STARD3NL: variants seen among roughly 807,000 people sequenced by gnomAD.
STARD3NL encodes the protein STARD3 N-terminal like.
STARD3NL carries 17 observed loss-of-function variants against 30.9 expected under a neutral mutation model. The observed-to-expected ratio is 0.55, with a 90% CI of 0.38 to 0.82. STARD3NL has a LOEUF of 0.82. STARD3NL is among the 40% of genes least tolerant of loss of function. The pLI is 0.00. For synonymous variants in STARD3NL, 112 were observed against 100.5 expected, an observed-to-expected ratio of 1.11 and a Z score of -0.69; for missense variants, 234 against 277.6, an observed-to-expected ratio of 0.84 and a Z score of 1.12.
intron 2 of STARD3NL, 64 bp from the exon 3 acceptor site, chr7:38,214,293 C>T (rs1785975699): frequency 3.7e-6 from 4 of 1,073,700 alleles, no homozygotes; most frequent in Non-Finnish European, 5.6e-6. Flanking sequence ...GATAGGAAAT[C>T]TTACCTTGTT....
intron 4 of STARD3NL, chr7:38,216,416 CAG>C (rs1284922842): frequency 5.3e-5 from 8 of 151,804 alleles, no homozygotes; most frequent in African/African-American, 1.9e-4. Flanking sequence ...TAATTAGTGT[CAG>C]AATATAAAAT....
chr7:38,227,171 G>T (rs886333579), intron 7 of STARD3NL, among the ~76,000 whole-genome samples: 2 of 152,144 alleles, frequency 1.3e-5, no homozygotes, highest in Non-Finnish European at 2.9e-5. Flanking sequence ...TTAATTAAGG[G>T]TTTAGCTTTA....
chr7:38,224,218 A>T (rs893228231), intron 7 of STARD3NL, among the ~76,000 whole-genome samples: 5 of 152,142 alleles, frequency 3.3e-5, no homozygotes, highest in African/African-American at 1.2e-4. Flanking sequence ...GGACATTTAG[A>T]TTGTTTCCAC....
intron 3 of STARD3NL, 61 bp downstream of exon 3, chr7:38,214,495 T>C (rs1785988774): frequency 9.3e-7 from 1 of 1,073,340 alleles, no homozygotes; most frequent in Non-Finnish European, 1.4e-6. Flanking sequence ...GCAGATTTCC[T>C]CTAAATAGAC....
rs1187434491 is a variant in STARD3NL, at chr7:38,207,600, A to G, written c.96A>G (p.Gln32=). The G allele has an allele frequency of 3.7e-6, 6 of 1,614,006 alleles. No homozygotes were observed. The highest frequency in any genetic ancestry group is 1.7e-5 in the Admixed American group (1 of 59,990). The change falls in exon 2 of 9, where the codon CAA becomes CAG. Residue 32 remains glutamine, a synonymous_variant. Coordinates refer to ENST00000009041, the MANE Select transcript of STARD3NL (RefSeq NM_032016.4). ...LRNIHSINPT[Q]LMARIESYEG... Reference sequence around the variant, plus strand: ...ATATCCATTCCATCAACCCCACACAACTCATGGCCAGGATTGAGTCCTATG... The same window carrying G: ...ATATCCATTCCATCAACCCCACACAGCTCATGGCCAGGATTGAGTCCTATG...
chr7:38,220,323 G>C (rs1027452225), intron 7 of STARD3NL, among the ~76,000 whole-genome samples: 1 of 152,178 alleles, frequency 6.6e-6, no homozygotes, highest in Non-Finnish European at 1.5e-5. Context: ...CAAGGGTTTT[G>C]ATAGACATTT....
At chr7:38,191,950 T>G (rs1784704109) in intron 1 of STARD3NL, among the ~76,000 whole-genome samples, 1 of 152,160 alleles carries the variant, frequency 6.6e-6, no homozygotes, top group African/African-American at 2.4e-5. Context: ...GGGATTGAGT[T>G]GAATCTGTAG....
chr7:38,180,720 A>G (rs181558014), intron 1 of STARD3NL, among the ~76,000 whole-genome samples: 21 of 152,118 alleles, frequency 1.4e-4, no homozygotes, highest in South Asian at 4.1e-4. Flanking sequence ...TTAACCTCCA[A>G]CCTTGCTACC....
At chr7:38,216,170 A>G (rs1453368786) in intron 4 of STARD3NL, 1 of 152,176 alleles carries the variant, frequency 6.6e-6, no homozygotes, top group Admixed American at 6.5e-5. Flanking sequence ...TTGTCAGACT[A>G]TCCCTCTCAA....
intron 7 of STARD3NL, among the ~76,000 whole-genome samples, chr7:38,227,990 C>T (rs976334931): frequency 6.6e-6 from 1 of 152,068 alleles, no homozygotes; most frequent in African/African-American, 2.4e-5. Context: ...TTTTCTTCTA[C>T]TCTTTCTCGT....
At chr7:38,202,206 G>A (rs965389019) in intron 1 of STARD3NL, 4 of 152,184 alleles carry the variant, frequency 2.6e-5, no homozygotes, top group Non-Finnish European at 4.4e-5. Context: ...ATGTAAGAAT[G>A]CTTTTAATTT....
At chr7:38,221,872 G>C (rs1178965032) in intron 7 of STARD3NL, among the ~76,000 whole-genome samples, 1 of 152,130 alleles carries the variant, frequency 6.6e-6, no homozygotes, top group East Asian at 1.9e-4. Flanking sequence ...TGTCCACCTT[G>C]CTGTTTCCAT....
At chr7:38,224,833 G>GA (rs912385823) in intron 7 of STARD3NL, among the ~76,000 whole-genome samples, 20 of 150,378 alleles carry the variant, frequency 1.3e-4, no homozygotes, top group South Asian at 2.1e-4. Flanking sequence ...AATAAGAAAA[G>GA]AAAAAAAAAC....
In STARD3NL at chr7:38,207,581, A is replaced by G. The variant is rs1329679255; in HGVS notation, c.77A>G (p.His26Arg). The G allele has an allele frequency of 3.7e-6, 6 of 1,613,950 alleles. No homozygotes were observed. The highest frequency in any genetic ancestry group is 1.7e-5 in the Admixed American group (1 of 59,976). ...QSSHASLRNI[H>R]SINPTQLMAR... is the part of the protein sequence containing the mutation. ...TCCCATGCTTCTCTGCGCAATATCCATTCCATCAACCCCACACAACTCATG... is the reference window on the plus strand; with the variant it reads ...TCCCATGCTTCTCTGCGCAATATCCGTTCCATCAACCCCACACAACTCATG... The change falls in exon 2 of 9, where the codon CAT (histidine) becomes CGT (arginine). Residue 26 changes from histidine to arginine, a missense_variant. Physicochemically the swap from His to Arg is conservative, Grantham distance 29 (BLOSUM62 0). Coordinates refer to ENST00000009041, the MANE Select transcript of STARD3NL (RefSeq NM_032016.4).
intron 1 of STARD3NL, among the ~76,000 whole-genome samples, chr7:38,205,278 C>T (rs573594155): frequency 6.6e-6 from 1 of 152,300 alleles, no homozygotes; most frequent in African/African-American, 2.4e-5. Flanking sequence ...CATCAAAAAG[C>T]TTATCCACCA....
intron 1 of STARD3NL, among the ~76,000 whole-genome samples, chr7:38,204,335 T>C (rs1245654526): frequency 6.6e-6 from 1 of 152,156 alleles, no homozygotes; most frequent in Non-Finnish European, 1.5e-5. Context: ...AGAAACTCAC[T>C]CAAAACCGCT....
At chr7:38,214,589 C>G (rs139700882) in intron 3 of STARD3NL, among the ~76,000 whole-genome samples, 155 bp downstream of exon 3, 270 of 152,244 alleles carry the variant, frequency 1.8e-3, no homozygotes, top group African/African-American at 6.1e-3. Context: ...TCAATGTTCT[C>G]TCTCTCTAAA....
intron 1 of STARD3NL, among the ~76,000 whole-genome samples, chr7:38,205,952 A>G (rs1478151735): frequency 1.3e-5 from 2 of 152,192 alleles, no homozygotes; most frequent in Non-Finnish European, 2.9e-5. Flanking sequence ...GGGTTACAAG[A>G]TCAGGAAGTA....
intron 1 of STARD3NL, among the ~76,000 whole-genome samples, chr7:38,191,930 G>T (rs769711885): frequency 5.3e-5 from 8 of 152,028 alleles, no homozygotes; most frequent in Non-Finnish European, 1.0e-4. Flanking sequence ...AGCATGGTGG[G>T]ATTATGATTG....
Sources: allele counts gnomAD v4.1 joint callset (sites outside exome capture counted in the v4.1 genomes callset), GRCh38; gene constraint gnomAD v4.1.1; transcripts MANE v1.5; gene names NCBI Gene and HGNC (gene_info 2026-07-23, HGNC 2026-07-21).